SIMC1: variants seen among roughly 807,000 people sequenced by gnomAD.
SIMC1 encodes SUMO-interacting motif-containing protein 1.
Under a neutral mutation model 82.3 loss-of-function variants are expected in SIMC1, and 55 were observed. The ratio of observed to expected loss-of-function variants is 0.67; its 90% CI spans 0.54 to 0.84. SIMC1 has a LOEUF of 0.84. Among genes scored for constraint, SIMC1 ranks in the 40% least tolerant of loss-of-function variants. The pLI is 0.00. For synonymous variants in SIMC1, 353 were observed against 426.3 expected (o/e 0.83, Z 2.12); for missense variants, 915 against 1,107.2 (o/e 0.83, Z 2.46).
At chr5:176,280,839 C>T (rs1314678783) in intron 1 of SIMC1, among the ~76,000 whole-genome samples, 1 of 152,156 alleles carries the variant, frequency 6.6e-6, no homozygotes, top group East Asian at 1.9e-4. Flanking sequence ...GGTAACCCGA[C>T]CTTTCTCTCT....
intron 1 of SIMC1, among the ~76,000 whole-genome samples, chr5:176,275,573 A>C (rs1198153025): frequency 2.6e-5 from 4 of 151,682 alleles, no homozygotes; most frequent in Non-Finnish European, 5.9e-5. Flanking sequence ...GAATGCTTCC[A>C]GTTTTTGCCC....
chr5:176,240,992 C>CT (rs60144020), intron 1 of SIMC1, among the ~76,000 whole-genome samples: 5,497 of 71,222 alleles, frequency 0.077, 1,779 homozygotes, highest in African/African-American at 0.2. Context: ...ACTTTTACAT[C>CT]TTTTTTTTTT....
At chr5:176,276,694 G>A (rs1276957045) in intron 1 of SIMC1, among the ~76,000 whole-genome samples, 86 of 142,848 alleles carry the variant, frequency 6.0e-4, no homozygotes, top group African/African-American at 2.1e-3. Flanking sequence ...GAGAATATGC[G>A]GTGTTTGGTT....
At chr5:176,260,327 G>A (rs1761974399) in intron 1 of SIMC1, among the ~76,000 whole-genome samples, 1 of 152,082 alleles carries the variant, frequency 6.6e-6, no homozygotes, top group African/African-American at 2.4e-5. Context: ...AGAAGGGGGC[G>A]AGGGATGAAA....
At chr5:176,262,543 G>A (rs1489130382) in intron 1 of SIMC1, among the ~76,000 whole-genome samples, 7 of 152,186 alleles carry the variant, frequency 4.6e-5, no homozygotes, top group Non-Finnish European at 1.0e-4. Context: ...GGTAGATCAC[G>A]CCTGTAATCT....
intron 1 of SIMC1, among the ~76,000 whole-genome samples, chr5:176,240,700 G>A (rs1761251446): frequency 1.1e-5 from 1 of 93,432 alleles, no homozygotes; most frequent in Non-Finnish European, 2.4e-5. Flanking sequence ...GTCTAAAAGT[G>A]CCCTTTTCTT....
intron 5 of SIMC1, among the ~76,000 whole-genome samples, chr5:176,314,958 T>A (rs1470609309): frequency 6.6e-6 from 1 of 152,218 alleles, no homozygotes; most frequent in Non-Finnish European, 1.5e-5. Flanking sequence ...AAGCTGTCAG[T>A]GTTCTGAGCA....
At chr5:176,297,928 C>G (rs1763892044) in intron 4 of SIMC1, among the ~76,000 whole-genome samples, 1 of 152,060 alleles carries the variant, frequency 6.6e-6, no homozygotes, top group Non-Finnish European at 1.5e-5. Flanking sequence ...AATAGCACAC[C>G]TAGGAAGCAG....
chr5:176,329,165 C>T (rs1247258662), intron 7 of SIMC1, among the ~76,000 whole-genome samples: 2 of 151,514 alleles, frequency 1.3e-5, no homozygotes, highest in African/African-American at 2.4e-5. Flanking sequence ...TGACCGTCAC[C>T]GCAGTCAAGA....
chr5:176,294,846 T>A (rs1473524725), intron 2 of SIMC1, 184 bp from the exon 3 acceptor site: 12 of 743,860 alleles, frequency 1.6e-5, no homozygotes, highest in Non-Finnish European at 2.4e-5. Flanking sequence ...GCGCCTGTAG[T>A]CCCAGCTACT....
intron 1 of SIMC1, among the ~76,000 whole-genome samples, chr5:176,244,868 T>C (rs1761386469): frequency 6.6e-6 from 1 of 151,798 alleles, no homozygotes; most frequent in African/African-American, 2.4e-5. Flanking sequence ...ATTACAGGCA[T>C]GTGCCACCAT....
At chr5:176,338,434 A>G (rs1371641022) in intron 9 of SIMC1, among the ~76,000 whole-genome samples, 1 of 152,154 alleles carries the variant, frequency 6.6e-6, no homozygotes, top group Non-Finnish European at 1.5e-5. Flanking sequence ...GTGTGAGTCC[A>G]AGGAACATAG....
At chr5:176,282,314 A>C (rs1763049982) in intron 1 of SIMC1, among the ~76,000 whole-genome samples, 2 of 152,042 alleles carry the variant, frequency 1.3e-5, no homozygotes, top group Non-Finnish European at 2.9e-5. Flanking sequence ...GAGTGATCCG[A>C]TTTTCCAGGT....
intron 1 of SIMC1, among the ~76,000 whole-genome samples, chr5:176,256,100 T>A (rs1323486108): frequency 6.6e-6 from 1 of 152,130 alleles, no homozygotes; most frequent in African/African-American, 2.4e-5. Flanking sequence ...ATGAAGAAGA[T>A]TCATTTTAAA....
In SIMC1 at chr5:176,274,447, T is replaced by C. The variant is rs184727033; in HGVS notation, c.130-15207T>C. On this transcript the variant is annotated intron_variant, in intron 1 of 9. Coordinates refer to ENST00000429602, the MANE Select transcript of SIMC1 (RefSeq NM_001308195.2). ...TAGGTTGCAAAAATTTTCTCCAATTTTGTGGGTTGCCTGTTCACTCTGATG... is the reference window on the plus strand; with the variant it reads ...TAGGTTGCAAAAATTTTCTCCAATTCTGTGGGTTGCCTGTTCACTCTGATG... Among the ~76,000 whole-genome samples the C allele has an allele frequency of 1.7e-3, 255 of 151,946 alleles. 7 individuals carry two copies. Among genetic ancestry groups the C allele is most frequent in the Non-Finnish European group, 5.7e-4 (39 of 67,852 alleles).
At chr5:176,244,499 A>C (rs1449261780) in intron 1 of SIMC1, among the ~76,000 whole-genome samples, 1 of 151,462 alleles carries the variant, frequency 6.6e-6, no homozygotes, top group East Asian at 1.9e-4. Flanking sequence ...AGGTGACAAG[A>C]GGAAGAACAT....
At chr5:176,336,365 TC>T (rs1319138155) in intron 7 of SIMC1, among the ~76,000 whole-genome samples, 1 of 152,208 alleles carries the variant, frequency 6.6e-6, no homozygotes, top group African/African-American at 2.4e-5. Flanking sequence ...TGAGAGTGGT[TC>T]CTTTTATTTA....
chr5:176,310,135 G>GA (rs1321978630), intron 4 of SIMC1, among the ~76,000 whole-genome samples: 1 of 152,044 alleles, frequency 6.6e-6, no homozygotes, highest in East Asian at 1.9e-4. Flanking sequence ...AATGGCTAAA[G>GA]AAAAAATAGT....
At chr5:176,330,722 G>A (rs1454489339) in intron 7 of SIMC1, among the ~76,000 whole-genome samples, 1 of 152,184 alleles carries the variant, frequency 6.6e-6, no homozygotes. Context: ...GCCAACTAAT[G>A]TTAGAAAAAA....
Sources: allele counts gnomAD v4.1 joint callset (sites outside exome capture counted in the v4.1 genomes callset), GRCh38; gene constraint gnomAD v4.1.1; transcripts MANE v1.5; gene names NCBI Gene and HGNC (gene_info 2026-07-23, HGNC 2026-07-21).